The following SGCZ variants were observed in gnomAD, a reference collection of about 807,000 sequenced individuals.
SGCZ encodes the protein zeta-sarcoglycan.
In SGCZ, 40 loss-of-function variants were observed where a neutral mutation model predicts 41.3. The ratio of observed to expected loss-of-function variants is 0.97; its 90% CI spans 0.75 to 1.26. The LOEUF (loss-of-function observed/expected upper bound fraction) is 1.26. Among genes scored for constraint, SGCZ ranks in the 50% most tolerant of loss-of-function variants. SGCZ has a pLI of 0.00. For synonymous variants in SGCZ, 206 were observed against 137.5 expected, an observed-to-expected ratio of 1.50 and a Z score of -3.49; for missense variants, 552 against 369.8, an observed-to-expected ratio of 1.49 and a Z score of -4.04.
At chr8:14,160,228 A>T (rs1803998589) in intron 5 of SGCZ, among the ~76,000 whole-genome samples, 1 of 152,214 alleles carries the variant, frequency 6.6e-6, no homozygotes, top group African/African-American at 2.4e-5. Context: ...ACCATGAAAC[A>T]ATTCTACGGG....
chr8:14,326,573 G>C (rs1028441948), intron 2 of SGCZ, among the ~76,000 whole-genome samples: 1 of 152,114 alleles, frequency 6.6e-6, no homozygotes. Flanking sequence ...TTAAAATTAG[G>C]ATGAGAGTGA....
At chr8:14,719,499 A>G (rs1467851088) in intron 1 of SGCZ, among the ~76,000 whole-genome samples, 2 of 151,592 alleles carry the variant, frequency 1.3e-5, no homozygotes, top group African/African-American at 2.4e-5. Flanking sequence ...ATTTCTCCAC[A>G]TCCTCTCCAG....
At chr8:15,100,744 A>T (rs1434815744) in intron 1 of SGCZ, among the ~76,000 whole-genome samples, 2 of 152,198 alleles carry the variant, frequency 1.3e-5, no homozygotes, top group Non-Finnish European at 2.9e-5. Context: ...GCATTTTGGG[A>T]GGCCAAACAC....
chr8:14,986,935 G>A (rs1801843458), intron 1 of SGCZ, among the ~76,000 whole-genome samples: 1 of 151,516 alleles, frequency 6.6e-6, no homozygotes, highest in Non-Finnish European at 1.5e-5. Flanking sequence ...ACGTAATTGT[G>A]GAAAAAATTA....
chr8:14,240,496 T>G (rs1798842457), intron 3 of SGCZ, among the ~76,000 whole-genome samples: 1 of 151,978 alleles, frequency 6.6e-6, no homozygotes, highest in Non-Finnish European at 1.5e-5. Flanking sequence ...CCTAATTTTT[T>G]GTCAGAATTA....
chr8:14,191,101 T>G (rs1397578206), intron 4 of SGCZ, among the ~76,000 whole-genome samples: 8 of 152,218 alleles, frequency 5.3e-5, no homozygotes. Context: ...TTACTGATAT[T>G]GAATACCTTT....
intron 1 of SGCZ, among the ~76,000 whole-genome samples, chr8:15,041,919 C>T (rs1804113163): frequency 6.6e-6 from 1 of 152,106 alleles, no homozygotes; most frequent in Admixed American, 6.6e-5. Context: ...CCTTCTACTA[C>T]CTTTTCAACG....
intron 1 of SGCZ, among the ~76,000 whole-genome samples, chr8:14,827,712 T>C (rs1242026895): frequency 3.3e-5 from 5 of 152,174 alleles, no homozygotes; most frequent in Non-Finnish European, 7.4e-5. Flanking sequence ...ACAGAAAGCA[T>C]TTGCCAACCT....
At chr8:14,747,074 G>C (rs1368261481) in intron 1 of SGCZ, among the ~76,000 whole-genome samples, 2 of 152,118 alleles carry the variant, frequency 1.3e-5, no homozygotes, top group African/African-American at 2.4e-5. Flanking sequence ...TTTTAAGAGT[G>C]CTATTTCAAT....
Position 14,312,630 on chromosome 8 carries a change from C to T in SGCZ, c.336+11473G>A, listed in dbSNP as rs181654265. On this transcript the variant is annotated intron_variant, in intron 3 of 7. Coordinates refer to ENST00000382080, the MANE Select transcript of SGCZ (RefSeq NM_139167.4). ...AGACAACATAGCTAGACTCTGTCTCCACAGAAAGAAGAAGAAGAGGAAGAG... is the reference window on the plus strand; with the variant it reads ...AGACAACATAGCTAGACTCTGTCTCTACAGAAAGAAGAAGAAGAGGAAGAG... 3.8e-3 allele frequency among the ~76,000 whole-genome samples: 580 copies of T among 151,452 alleles called. 4 individuals carry two copies. Among genetic ancestry groups the T allele is most frequent in the Non-Finnish European group, 6.7e-3 (457 of 67,900 alleles).
At chr8:14,798,643 T>C (rs927778701) in intron 1 of SGCZ, among the ~76,000 whole-genome samples, 1 of 152,160 alleles carries the variant, frequency 6.6e-6, no homozygotes, top group African/African-American at 2.4e-5. Flanking sequence ...TTATTAAGTC[T>C]GTTTAACAAT....
intron 2 of SGCZ, among the ~76,000 whole-genome samples, chr8:14,529,370 G>C (rs992343615): frequency 6.6e-6 from 1 of 152,082 alleles, no homozygotes; most frequent in Non-Finnish European, 1.5e-5. Context: ...CCAATCCTCT[G>C]ACCTCATAAA....
intron 3 of SGCZ, among the ~76,000 whole-genome samples, chr8:14,313,628 G>A (rs934924528): frequency 2.6e-5 from 4 of 152,140 alleles, no homozygotes; most frequent in African/African-American, 7.2e-5. Context: ...GGGCCACCAT[G>A]CCTGGCTGGT....
chr8:14,424,632 C>CAT (rs10657130), intron 2 of SGCZ, among the ~76,000 whole-genome samples: 55,514 of 151,836 alleles, frequency 0.37, 11,294 homozygotes, highest in African/African-American at 0.55. Context: ...GTCATTTTTA[C>CAT]GTCAGTGCAT....
At chr8:14,618,523 T>A (rs1454339740) in intron 1 of SGCZ, among the ~76,000 whole-genome samples, 1 of 152,078 alleles carries the variant, frequency 6.6e-6, no homozygotes, top group African/African-American at 2.4e-5. Flanking sequence ...AGGGAGGCAA[T>A]ACTAGAGAAA....
At chr8:14,221,182 T>C (rs2117121435) in intron 4 of SGCZ, among the ~76,000 whole-genome samples, 1 of 152,338 alleles carries the variant, frequency 6.6e-6, no homozygotes, top group South Asian at 2.1e-4. Context: ...TATGTCATTG[T>C]GTAAGCATAT....
At chr8:14,715,880 C>A (rs922447236) in intron 1 of SGCZ, among the ~76,000 whole-genome samples, 1 of 152,072 alleles carries the variant, frequency 6.6e-6, no homozygotes, top group Non-Finnish European at 1.5e-5. Context: ...AAGTTATCAT[C>A]AGTAGGAGCT....
chr8:15,065,453 T>G (rs1266188209), intron 1 of SGCZ, among the ~76,000 whole-genome samples: 1 of 138,248 alleles, frequency 7.2e-6, no homozygotes, highest in Non-Finnish European at 1.6e-5. Flanking sequence ...ATTATTATTA[T>G]TATTATTTTG....
chr8:14,227,466 T>C (rs889394176), intron 4 of SGCZ, among the ~76,000 whole-genome samples: 4 of 152,092 alleles, frequency 2.6e-5, no homozygotes, highest in Non-Finnish European at 5.9e-5. Flanking sequence ...TTTTTCATTT[T>C]TTCCATAGGA....
Sources: allele counts gnomAD v4.1 joint callset (sites outside exome capture counted in the v4.1 genomes callset), GRCh38; gene constraint gnomAD v4.1.1; transcripts MANE v1.5; gene names NCBI Gene and HGNC (gene_info 2026-07-23, HGNC 2026-07-21).